DPH6: variants seen among roughly 807,000 people sequenced by gnomAD.
The protein encoded by DPH6 is diphthine--ammonia ligase.
Under a neutral mutation model 38.2 loss-of-function variants are expected in DPH6, and 33 were observed. The ratio of observed to expected loss-of-function variants is 0.86; its 90% CI spans 0.65 to 1.15. DPH6 has a LOEUF of 1.15. Among genes scored for constraint, DPH6 ranks in the 50% most tolerant of loss-of-function variants. DPH6 has a pLI of 0.00. For missense variants in DPH6, 325 were observed against 320.0 expected (o/e 1.02, Z -0.12); for synonymous variants, 108 against 103.0 (o/e 1.05, Z -0.30).
intron 3 of DPH6, among the ~76,000 whole-genome samples, chr15:35,232,572 C>T (rs1011310794): frequency 2.0e-5 from 3 of 152,040 alleles, no homozygotes; most frequent in African/African-American, 7.2e-5. Context: ...CAGAGCAATA[C>T]TCCGTGTCAA....
the DPH6 span, among the ~76,000 whole-genome samples, chr15:35,149,073 C>T: frequency 6.6e-6 from 1 of 151,934 alleles, no homozygotes; most frequent in African/African-American, 2.4e-5. Context: ...CTCCATCCCC[C>T]TTCTCTCCTC....
chr15:35,184,168 C>T, the DPH6 span, among the ~76,000 whole-genome samples: 1 of 152,168 alleles, frequency 6.6e-6, no homozygotes, highest in East Asian at 1.9e-4. Flanking sequence ...CTGTAAATTA[C>T]TTTCAAAGCT....
At chr15:35,263,595 A>C (rs1232275464) in intron 3 of DPH6, among the ~76,000 whole-genome samples, 2 of 151,534 alleles carry the variant, frequency 1.3e-5, no homozygotes, top group Non-Finnish European at 2.9e-5. Context: ...TTTTGTAGAG[A>C]CAGTCTCACT....
chr15:35,315,718 G>A (rs1423283955), intron 3 of DPH6, among the ~76,000 whole-genome samples: 1 of 152,184 alleles, frequency 6.6e-6, no homozygotes, highest in Non-Finnish European at 1.5e-5. Flanking sequence ...AAATCAATAT[G>A]TTAAAGAGCT....
At chr15:35,426,289 C>T (rs1422125103) in intron 5 of DPH6, among the ~76,000 whole-genome samples, 2 of 151,644 alleles carry the variant, frequency 1.3e-5, no homozygotes, top group African/African-American at 2.4e-5. Context: ...TACTTGAAAG[C>T]ACATTAAGTA....
chr15:35,438,292 C>T (rs2141051441), intron 5 of DPH6, among the ~76,000 whole-genome samples: 1 of 151,518 alleles, frequency 6.6e-6, no homozygotes, highest in South Asian at 2.1e-4. Flanking sequence ...GAGTCTCTCT[C>T]TTTCGTCCAG....
At chr15:35,171,577 T>A in the DPH6 span, among the ~76,000 whole-genome samples, 1 of 152,180 alleles carries the variant, frequency 6.6e-6, no homozygotes, top group Non-Finnish European at 1.5e-5. Flanking sequence ...TCTTCTATCT[T>A]TATTCTAATA....
At chr15:35,193,822 C>A in the DPH6 span, among the ~76,000 whole-genome samples, 6 of 152,036 alleles carry the variant, frequency 3.9e-5, no homozygotes, top group South Asian at 2.1e-4. Context: ...CAATGACAAC[C>A]ATTTGTGAAC....
At chr15:35,468,883 C>A (rs1211397047) in intron 3 of DPH6, among the ~76,000 whole-genome samples, 1 of 152,114 alleles carries the variant, frequency 6.6e-6, no homozygotes, top group East Asian at 1.9e-4. Context: ...ACCTGGCCAA[C>A]ATGGTGAAAC....
In DPH6 at chr15:35,462,762, T is replaced by G. The variant is rs1283470787; in HGVS notation, c.313-7942A>C. On this transcript the variant is annotated intron_variant, in intron 3 of 8. Coordinates refer to ENST00000256538, the MANE Select transcript of DPH6 (RefSeq NM_080650.4). ...ATTAAATATTTATGTTTAAAATGTC[T>G]GTCTCAGCTCCATGATGGTACTTGG... 4.6e-5 allele frequency among the ~76,000 whole-genome samples: 7 copies of G among 152,352 alleles called. No individual in the cohort carries two copies. In the South Asian group the frequency reaches 1.4e-3, roughly 32 times the overall value.
At chr15:35,219,495 G>A (rs2051429314) in exon 4 of DPH6, 3 of 152,148 alleles carry the variant, frequency 2.0e-5, no homozygotes, top group South Asian at 2.1e-4. Context: ...GTTTCATGAC[G>A]CTTTTAATAC....
chr15:35,532,116 A>G (rs2055097996), intron 3 of DPH6, among the ~76,000 whole-genome samples: 3 of 152,206 alleles, frequency 2.0e-5, no homozygotes, highest in Admixed American at 6.5e-5. Context: ...AGACATGAAA[A>G]GCAATCTCCT....
intron 3 of DPH6, among the ~76,000 whole-genome samples, chr15:35,515,311 G>A (rs1487571563): frequency 1.3e-5 from 2 of 152,082 alleles, no homozygotes; most frequent in South Asian, 4.1e-4. Flanking sequence ...AAGTTCATAG[G>A]GGCTGGGTAT....
chr15:35,501,457 T>C (rs759693280), intron 3 of DPH6, among the ~76,000 whole-genome samples: 4 of 152,130 alleles, frequency 2.6e-5, no homozygotes, highest in Non-Finnish European at 5.9e-5. Context: ...CCATAAAAGA[T>C]GAAAACCACA....
chr15:35,190,315 G>A, the DPH6 span, among the ~76,000 whole-genome samples: 1 of 152,226 alleles, frequency 6.6e-6, no homozygotes, highest in Non-Finnish European at 1.5e-5. Flanking sequence ...CTCTTCGGAA[G>A]ACCGGAGTTT....
chr15:35,279,639 T>C (rs577718937), intron 3 of DPH6, among the ~76,000 whole-genome samples: 1 of 152,200 alleles, frequency 6.6e-6, no homozygotes, highest in African/African-American at 2.4e-5. Flanking sequence ...ATGCACCTGC[T>C]CCCCTTTGCC....
chr15:35,420,508 T>C (rs199886186), intron 5 of DPH6, among the ~76,000 whole-genome samples: 2 of 152,058 alleles, frequency 1.3e-5, no homozygotes, highest in East Asian at 3.9e-4. Flanking sequence ...CAGAGTTTTA[T>C]TTTATTTTAT....
At chr15:35,386,317 T>G (rs1198684608) in intron 6 of DPH6, among the ~76,000 whole-genome samples, 1 of 152,268 alleles carries the variant, frequency 6.6e-6, no homozygotes, top group South Asian at 2.1e-4. Context: ...TATGTGTGCA[T>G]GTGTCTTTAT....
intron 6 of DPH6, among the ~76,000 whole-genome samples, chr15:35,398,045 A>G (rs1027189921): frequency 6.6e-6 from 1 of 152,170 alleles, no homozygotes; most frequent in Non-Finnish European, 1.5e-5. Flanking sequence ...CAGATTAAGT[A>G]GTCTTGCTAT....
Sources: allele counts gnomAD v4.1 joint callset (sites outside exome capture counted in the v4.1 genomes callset), GRCh38; gene constraint gnomAD v4.1.1; transcripts MANE v1.5; gene names NCBI Gene and HGNC (gene_info 2026-07-23, HGNC 2026-07-21).